MDM4: variants seen among roughly 807,000 people sequenced by gnomAD.
MDM4 encodes the protein MDM4 regulator of p53.
In MDM4, 2 loss-of-function variants were observed where a neutral mutation model predicts 60.2. The observed-to-expected ratio is 0.03, with a 90% CI of 0.01 to 0.10. MDM4 has a LOEUF of 0.10. MDM4 is among the 10% of genes least tolerant of loss of function. The pLI, the probability that MDM4 is intolerant of heterozygous loss-of-function variation, is 1.00. For synonymous variants in MDM4, 202 were observed against 198.1 expected, an observed-to-expected ratio of 1.02 and a Z score of -0.17; for missense variants, 447 against 577.5, an observed-to-expected ratio of 0.77 and a Z score of 2.32.
In MDM4 at chr1:204,551,979, T is replaced by TAA. The variant is rs35918019; in HGVS notation, c.*2316_*2317dup. Reference sequence around the variant, plus strand: ...CTAACACTAACAATAGCTGATGAGCTAAAAAAAAAAAAAAAAAAAATCGTG... The same window carrying TAA: ...CTAACACTAACAATAGCTGATGAGCTAAAAAAAAAAAAAAAAAAAAAATCGTG... On this transcript the variant is annotated 3_prime_UTR_variant, in exon 11 of 11. Transcript: ENST00000367182. 1.3e-4 allele frequency: 18 copies of TAA among 136,740 alleles called. No homozygotes were observed. Among genetic ancestry groups the TAA allele is most frequent in the African/African-American group, 4.6e-4 (14 of 30,466 alleles). The allele number at this position is 136,740 out of a possible 1,614,324, so 8.5% of individuals were successfully genotyped here. A position where few individuals can be genotyped will look rare whatever the true frequency, so the allele number is the denominator to read the frequency against.
intron 5 of MDM4, among the ~76,000 whole-genome samples, chr1:204,534,776 G>A (rs764430303): frequency 4.1e-4 from 63 of 152,162 alleles, no homozygotes; most frequent in Non-Finnish European, 7.2e-4. Context: ...ACAGGCGTGA[G>A]CCACCATGCG....
intron 10 of MDM4, among the ~76,000 whole-genome samples, chr1:204,548,697 C>G (rs1662904493): frequency 6.6e-6 from 1 of 151,994 alleles, no homozygotes; most frequent in African/African-American, 2.4e-5. Context: ...TTTTGCCAAA[C>G]TTTATAACAT....
chr1:204,538,869 C>CTTT (rs34355422), intron 7 of MDM4, among the ~76,000 whole-genome samples: 22 of 117,654 alleles, frequency 1.9e-4, no homozygotes, highest in Non-Finnish European at 3.1e-4. Flanking sequence ...CCACGCCTGG[C>CTTT]TTTTTTTTTT....
In MDM4 at chr1:204,557,668, C is replaced by G. The variant is rs1196160142; in HGVS notation, c.*7986C>G. ...CTGCCCGCCTTGGCCTCCCAAAGTA[C>G]TGGGATTACAGGCGTGAGCAACTGC... On this transcript the variant is annotated 3_prime_UTR_variant, in exon 11 of 11. Coordinates refer to ENST00000367182, the MANE Select transcript of MDM4 (RefSeq NM_002393.5). 2 of 178,686 alleles carry G rather than the reference C, an allele frequency of 1.1e-5. No individual in the cohort carries two copies. The highest frequency in any genetic ancestry group is 2.4e-5 in the Non-Finnish European group (2 of 83,288). The allele number at this position is 178,686 out of a possible 1,614,324, so 11.1% of individuals were successfully genotyped here. A position where few individuals can be genotyped will look rare whatever the true frequency, so the allele number is the denominator to read the frequency against.
chr1:204,542,014 T>G (rs1048666129), intron 7 of MDM4, among the ~76,000 whole-genome samples: 3 of 152,236 alleles, frequency 2.0e-5, no homozygotes, highest in African/African-American at 4.8e-5. Context: ...GAGTATCATG[T>G]GATAACAACA....
rs762676134 is a variant in MDM4, at chr1:204,551,717, A to G, written c.*2035A>G. 6.9e-5 allele frequency: 16 copies of G among 230,536 alleles called. No individual in the cohort carries two copies. Among genetic ancestry groups the G allele is most frequent in the Non-Finnish European group, 1.1e-4 (13 of 116,532 alleles). 14.3% of individuals were successfully genotyped at this position (230,536 alleles called of 1,614,324 possible). On this transcript the variant is annotated 3_prime_UTR_variant, in exon 11 of 11. Coordinates refer to ENST00000367182, the MANE Select transcript of MDM4 (RefSeq NM_002393.5). ...GAAGACCAAGGCCCTAGAATTGTCA[A>G]ACTTAAGGATCATAAAAATCATGAG...
rs772804762 is a variant in MDM4 at position 204,542,752 on chromosome 1, T to C, written c.512-32T>C. On this transcript the variant is annotated intron_variant, in intron 7 of 10. Transcript: ENST00000367182. ...AGTCTTAGTTATTACGTATTGTGCATAGTTATCATTCTTTTCATTTGACTT... is the reference window on the plus strand; with the variant it reads ...AGTCTTAGTTATTACGTATTGTGCACAGTTATCATTCTTTTCATTTGACTT... The C allele has an allele frequency of 3.3e-6, 5 of 1,536,588 alleles. No homozygotes were observed. In the East Asian group the frequency reaches 1.1e-4, roughly 35 times the overall value.
Position 204,555,229 on chromosome 1 carries a change from A to G in MDM4, c.*5547A>G, listed in dbSNP as rs1214642593. 3 of 172,616 alleles carry G rather than the reference A, an allele frequency of 1.7e-5. No homozygotes were observed. Among genetic ancestry groups the G allele is most frequent in the Non-Finnish European group, 3.7e-5 (3 of 81,012 alleles). 10.7% of individuals were successfully genotyped at this position (172,616 alleles called of 1,614,324 possible). Reference sequence around the variant, plus strand: ...GAGTGCAGTGGCGCGATCTCGGCTCACTGCAACCTCCGCCTCCCGGGTTCA... The same window carrying G: ...GAGTGCAGTGGCGCGATCTCGGCTCGCTGCAACCTCCGCCTCCCGGGTTCA... On this transcript the variant is annotated 3_prime_UTR_variant, in exon 11 of 11. Transcript: ENST00000367182.
At chr1:204,532,637 A>G (rs1424743896) in intron 5 of MDM4, 1 of 802,646 alleles carries the variant, frequency 1.2e-6, no homozygotes, top group Non-Finnish European at 1.9e-6. Flanking sequence ...TCTCAAAAAT[A>G]CCTTGTATTT....
rs546690203 is a variant in MDM4 at position 204,528,776 on chromosome 1, C to T, written c.154-1908C>T. ...GACAGGAAAAGAAGAGAGAGGTCCA[C>T]GTACTTCTGTCACTCTAGGAAGCCA... On this transcript the variant is annotated intron_variant, in intron 3 of 10. Transcript: ENST00000367182. 1.1e-5 allele frequency: 10 copies of T among 910,558 alleles called. No homozygotes were observed. In the East Asian group the frequency reaches 1.3e-4, roughly 12 times the overall value. 56.4% of individuals were successfully genotyped at this position (910,558 alleles called of 1,614,324 possible).
In MDM4 at chr1:204,550,221, TG is replaced by T; in HGVS notation, c.*540del. Reference sequence around the variant, plus strand: ...TCTTGTTCTGTCTCCCAGGCTGAAGTGCAGTGCAGTGGTATGATCATGGCTC... The same window carrying T: ...TCTTGTTCTGTCTCCCAGGCTGAAGTCAGTGCAGTGGTATGATCATGGCTC... On this transcript the variant is annotated 3_prime_UTR_variant, in exon 11 of 11. Transcript: ENST00000367182. 1 of 232,400 alleles carries T rather than the reference TG, an allele frequency of 4.3e-6. No individual in the cohort carries two copies. Among genetic ancestry groups the T allele is most frequent in the Non-Finnish European group, 8.5e-6 (1 of 118,026 alleles). The allele number at this position is 232,400 out of a possible 1,614,324, so 14.4% of individuals were successfully genotyped here.
chr1:204,527,468 A>G lies in MDM4; in HGVS notation c.153+1034A>G, dbSNP rs182386754. ...CAGGAGTTCGAGACCAGCCTGACCA[A>G]CATGGAGAAACCCCATCTCTACTAA... On this transcript the variant is annotated intron_variant, in intron 3 of 10. Transcript: ENST00000367182. Among the ~76,000 whole-genome samples, 575 of 152,302 alleles carry G rather than the reference A, an allele frequency of 3.8e-3. 3 individuals are homozygous for G. Among genetic ancestry groups the G allele is most frequent in the African/African-American group, 0.013 (548 of 41,562 alleles).
intron 1 of MDM4, among the ~76,000 whole-genome samples, chr1:204,523,073 G>C (rs1264493520): frequency 4.0e-5 from 6 of 151,596 alleles, no homozygotes; most frequent in Non-Finnish European, 7.4e-5. Context: ...ATGTTGGCCA[G>C]GCTGGTGTTG....
At chr1:204,535,412 C>T (rs975754604) in intron 5 of MDM4, among the ~76,000 whole-genome samples, 2 of 152,098 alleles carry the variant, frequency 1.3e-5, no homozygotes, top group African/African-American at 2.4e-5. Context: ...CCGCCTTGGC[C>T]TCCTAAAGTA....
intron 1 of MDM4, among the ~76,000 whole-genome samples, chr1:204,523,961 A>G (rs1299084119): frequency 6.6e-6 from 1 of 152,088 alleles, no homozygotes; most frequent in Non-Finnish European, 1.5e-5. Context: ...GAGCAGGGGT[A>G]TGAGCTGGAG....
At chr1:204,547,790 C>T (rs4252733) in intron 10 of MDM4, among the ~76,000 whole-genome samples, 24,348 of 152,246 alleles carry the variant, frequency 0.16, 2,341 homozygotes, top group East Asian at 0.38. Flanking sequence ...ATGGCATAAT[C>T]TCGGCTCACT....
Position 204,532,705 on chromosome 1 carries a change from A to G in MDM4, c.343+459A>G, listed in dbSNP as rs866539563. Reference sequence around the variant, plus strand: ...ACATTGCCTTTGGTTGATATGTCTCATAAGTGTCTTTAATCTATAAAACTT... The same window carrying G: ...ACATTGCCTTTGGTTGATATGTCTCGTAAGTGTCTTTAATCTATAAAACTT... On this transcript the variant is annotated intron_variant, in intron 5 of 10. Transcript: ENST00000367182. 1.0e-5 allele frequency: 16 copies of G among 1,559,908 alleles called. No homozygotes were observed. The Middle Eastern group carries it at 5.1e-4, about 49-fold the overall frequency.
rs1268385048 is a variant in MDM4 at position 204,533,809 on chromosome 1, G to A, written c.343+1563G>A. Among the ~76,000 whole-genome samples the A allele has an allele frequency of 9.4e-5, 13 of 138,468 alleles. No homozygotes were observed. The East Asian group carries it at 1.0e-3, about 11-fold the overall frequency. 90.8% of individuals were successfully genotyped at this position (138,468 alleles called of 152,430 possible). A position where few individuals can be genotyped will look rare whatever the true frequency, so the allele number is the denominator to read the frequency against. ...TTTTTTTTTTTTTTAAATGTAGAGC[G>A]TCTTGCTCTGTCACTCAGGCTGGAA... On this transcript the variant is annotated intron_variant, in intron 5 of 10. Transcript: ENST00000367182.
chr1:204,529,364 G>A, intron 3 of MDM4: 1 of 891,776 alleles, frequency 1.1e-6, no homozygotes. Flanking sequence ...TGGGAGGGGA[G>A]CCACCCTGTC....
Sources: gnomAD v4.1 joint callset for allele counts (sites outside exome capture counted in the v4.1 genomes callset) on GRCh38, gnomAD v4.1.1 for gene constraint, MANE v1.5 for transcripts, NCBI Gene and HGNC (gene_info 2026-07-23, HGNC 2026-07-21) for gene names.